NT5DC3: variants seen among roughly 807,000 people sequenced by gnomAD.
NT5DC3 encodes 5'-nucleotidase domain-containing protein 3.
NT5DC3 carries 42 observed loss-of-function variants against 67.8 expected under a neutral mutation model. That is an observed-to-expected ratio of 0.62 (90% CI 0.48 to 0.80). The LOEUF is 0.80. Among genes scored for constraint, NT5DC3 ranks in the 30% least tolerant of loss-of-function variants. The pLI is 0.00. For synonymous variants in NT5DC3, 237 were observed against 255.6 expected, an observed-to-expected ratio of 0.93 and a Z score of 0.69; for missense variants, 570 against 696.4, an observed-to-expected ratio of 0.82 and a Z score of 2.04.
chr12:103,769,357 G>A (rs1157263094), downstream of NT5DC3, among the ~76,000 whole-genome samples: 1 of 152,196 alleles, frequency 6.6e-6, no homozygotes, highest in Non-Finnish European at 1.5e-5. Flanking sequence ...AGCATGGGGT[G>A]CAGTGCACTA....
At chr12:103,808,258 G>A (rs993502136) in intron 2 of NT5DC3, among the ~76,000 whole-genome samples, 1 of 152,184 alleles carries the variant, frequency 6.6e-6, no homozygotes, top group Admixed American at 6.5e-5. Context: ...ACTAGGGTAT[G>A]GTGGGCAGAG....
chr12:103,785,186 T>C (rs1885711057), intron 12 of NT5DC3, 149 bp downstream of exon 12: 2 of 718,644 alleles, frequency 2.8e-6, no homozygotes, highest in South Asian at 3.6e-5. Flanking sequence ...AAACACTGTC[T>C]AGGCAAAAGA....
chr12:103,831,298 C>T (rs775191025), intron 1 of NT5DC3, among the ~76,000 whole-genome samples: 10 of 152,166 alleles, frequency 6.6e-5, no homozygotes, highest in Non-Finnish European at 4.4e-5. Flanking sequence ...TGAAGAGGTG[C>T]CTTCTGCCAC....
Position 103,840,419 on chromosome 12 carries a change from T to C in NT5DC3, c.208+530A>G, listed in dbSNP as rs917117142. On this transcript the variant is annotated intron_variant, in intron 1 of 13. Coordinates refer to ENST00000392876, the MANE Select transcript of NT5DC3 (RefSeq NM_001031701.3). ...TCATCTCATCTCATCTCATCTCATC[T>C]CATTCCATCCCATTCCATCCCATCC... Among the ~76,000 whole-genome samples the C allele has an allele frequency of 1.1e-3, 142 of 125,872 alleles. 2 individuals carry two copies. The highest frequency in any genetic ancestry group is 4.1e-3 in the African/African-American group (133 of 32,234). 82.6% of individuals were successfully genotyped at this position (125,872 alleles called of 152,430 possible). A position where few individuals can be genotyped will look rare whatever the true frequency, so the allele number is the denominator to read the frequency against.
chr12:103,819,752 G>T (rs949514455), intron 1 of NT5DC3: 5 of 152,202 alleles, frequency 3.3e-5, no homozygotes, highest in Admixed American at 2.0e-4. Context: ...TTTGGTTCTG[G>T]TTTTTTGTGT....
chr12:103,827,730 G>A (rs1887753519), intron 1 of NT5DC3, among the ~76,000 whole-genome samples: 1 of 152,116 alleles, frequency 6.6e-6, no homozygotes, highest in Admixed American at 6.5e-5. Flanking sequence ...ATAAAACCCA[G>A]CTTGATCAAT....
intron 6 of NT5DC3, among the ~76,000 whole-genome samples, chr12:103,795,532 A>T (rs1389998744): frequency 6.6e-6 from 1 of 152,190 alleles, no homozygotes; most frequent in Non-Finnish European, 1.5e-5. Flanking sequence ...TTTGGATAAT[A>T]CCACACTGAT....
chr12:103,810,372 G>A (rs542994879), intron 2 of NT5DC3, among the ~76,000 whole-genome samples: 1 of 152,266 alleles, frequency 6.6e-6, no homozygotes, highest in African/African-American at 2.4e-5. Flanking sequence ...CCAAGAACCA[G>A]AGCTGCTCAC....
the NT5DC3 span, chr12:103,746,479 G>A: frequency 2.3e-6 from 2 of 876,156 alleles, no homozygotes; most frequent in Non-Finnish European, 3.8e-6. Context: ...TCTTCCTGCT[G>A]TACAGGGGCA....
chr12:103,760,486 C>G, the NT5DC3 span, among the ~76,000 whole-genome samples: 21 of 152,284 alleles, frequency 1.4e-4, 1 homozygote, highest in South Asian at 4.4e-3. Context: ...GTCTTGAACT[C>G]CTGGCTTCAA....
rs148478798 is a variant in NT5DC3, at chr12:103,808,218, G to A, written c.394-1289C>T. Among the ~76,000 whole-genome samples, 24 of 152,312 alleles carry A rather than the reference G, an allele frequency of 1.6e-4. No homozygotes were observed. In the East Asian group the frequency reaches 4.6e-3, roughly 29 times the overall value. Reference sequence around the variant, plus strand: ...GGCCCTACCATCCCCATTTTATTCAGAGGGACATCAGAGGTTCTGAATGAA... The same window carrying A: ...GGCCCTACCATCCCCATTTTATTCAAAGGGACATCAGAGGTTCTGAATGAA... On this transcript the variant is annotated intron_variant, in intron 2 of 13. Transcript: ENST00000392876.
the NT5DC3 span, chr12:103,761,468 A>G: frequency 2.7e-6 from 4 of 1,474,358 alleles, no homozygotes; most frequent in African/African-American, 1.4e-5. Context: ...CCACTCACCA[A>G]CAGGCAAACC....
At chr12:103,748,676 A>G in the NT5DC3 span, among the ~76,000 whole-genome samples, 3 of 151,226 alleles carry the variant, frequency 2.0e-5, no homozygotes, top group Non-Finnish European at 4.4e-5. Context: ...AACATTAAAA[A>G]TCCAAATTTA....
chr12:103,793,843 T>C (rs1886177163), intron 7 of NT5DC3, 94 bp downstream of exon 7: 1 of 1,021,412 alleles, frequency 9.8e-7, no homozygotes, highest in Non-Finnish European at 1.5e-6. Flanking sequence ...ATGCAGCCTC[T>C]GCTTAGCACC....
downstream of NT5DC3, chr12:103,766,478 G>T: frequency 1.0e-6 from 1 of 973,294 alleles, no homozygotes; most frequent in East Asian, 2.6e-5. Flanking sequence ...TGATCTGGGG[G>T]TTGTTTCTGT....
intron 13 of NT5DC3, 77 bp from the exon 14 acceptor site, chr12:103,778,158 C>A: frequency 5.1e-6 from 7 of 1,369,344 alleles, no homozygotes; most frequent in East Asian, 2.5e-5. Flanking sequence ...AAATCAAAAT[C>A]ACTTCTTTTT....
intron 11 of NT5DC3, 59 bp from the exon 12 acceptor site, chr12:103,785,534 T>C (rs2139314271): frequency 1.3e-6 from 2 of 1,566,862 alleles, no homozygotes; most frequent in Admixed American, 1.7e-5. Context: ...AACTATGTCA[T>C]TATTTTCCCA....
At chr12:103,811,326 G>C (rs753204504) in intron 2 of NT5DC3, among the ~76,000 whole-genome samples, 1 of 152,158 alleles carries the variant, frequency 6.6e-6, no homozygotes, top group Non-Finnish European at 1.5e-5. Context: ...TCATCTGGGG[G>C]AAGAAAGAGT....
intron 1 of NT5DC3, among the ~76,000 whole-genome samples, chr12:103,821,390 T>C (rs1887483969): frequency 6.6e-6 from 1 of 152,218 alleles, no homozygotes; most frequent in Non-Finnish European, 1.5e-5. Context: ...GTTCCATTCC[T>C]GACTCCAGAA....
Sources: gnomAD v4.1 joint callset for allele counts (sites outside exome capture counted in the v4.1 genomes callset) on GRCh38, gnomAD v4.1.1 for gene constraint, MANE v1.5 for transcripts, NCBI Gene and HGNC (gene_info 2026-07-23, HGNC 2026-07-21) for gene names.